The following RAB33A variants were observed in gnomAD, a reference collection of about 807,000 sequenced individuals.
The protein encoded by RAB33A is RAB33A, member RAS oncogene family, also known as ras-related protein Rab-33A.
In RAB33A, 6 loss-of-function variants were observed where a neutral mutation model predicts 12.0. The observed-to-expected ratio is 0.50, with a 90% CI of 0.27 to 0.99. RAB33A has a LOEUF of 0.99. Ranked by LOEUF, RAB33A falls within the 50% of genes least tolerant of loss-of-function variation. RAB33A has a pLI of 0.11. For missense variants in RAB33A, 109 were observed against 192.0 expected (o/e 0.57, Z 2.55); for synonymous variants, 70 against 82.4 (o/e 0.85, Z 0.81).
chrX:130,125,725 C>T, the RAB33A span, among the ~76,000 whole-genome samples: 3 of 111,639 alleles, frequency 2.7e-5, no homozygotes, highest in Admixed American at 1.9e-4. Flanking sequence ...AAGCAGCCTG[C>T]AGTAGGTCAC....
At chrX:130,141,064 C>T in the RAB33A span, among the ~76,000 whole-genome samples, 4 of 111,943 alleles carry the variant, frequency 3.6e-5, no homozygotes, top group Admixed American at 1.9e-4. Flanking sequence ...TGCAGTGAGC[C>T]GAGATCATGC....
chrX:130,121,957 T>C, the RAB33A span, among the ~76,000 whole-genome samples: 4 of 112,017 alleles, frequency 3.6e-5, no homozygotes, highest in African/African-American at 1.3e-4. Flanking sequence ...TGGAACAGCT[T>C]CTGCCACTGA....
At chrX:130,165,953 T>A in the RAB33A span, 1 of 364,581 alleles carries the variant, frequency 2.7e-6, no homozygotes. Flanking sequence ...GCAAAGACGC[T>A]GGCTCTAGGT....
At chrX:130,140,982 G>A in the RAB33A span, among the ~76,000 whole-genome samples, 13 of 112,187 alleles carry the variant, frequency 1.2e-4, no homozygotes, top group African/African-American at 2.9e-4. Flanking sequence ...CAGGTGTGGC[G>A]GCATATGCCT....
At chrX:130,129,616 C>T in the RAB33A span, 1 of 1,208,850 alleles carries the variant, frequency 8.3e-7, no homozygotes, top group Middle Eastern at 2.3e-4. Flanking sequence ...TGCTGCTCAC[C>T]GTCCTTAATG....
the RAB33A span, chrX:130,133,546 C>T: frequency 4.1e-5 from 43 of 1,046,890 alleles, no homozygotes; most frequent in Non-Finnish European, 5.5e-5. Flanking sequence ...TCAAAGAACA[C>T]TTGTAATGGT....
chrX:130,165,432 A>C, the RAB33A span: 4 of 614,274 alleles, frequency 6.5e-6, no homozygotes, highest in Non-Finnish European at 1.1e-5. Context: ...CCAATTTGGA[A>C]TTCACGTGAC....
intron 1 of RAB33A, among the ~76,000 whole-genome samples, chrX:130,183,660 A>G (rs1289769218): frequency 1.8e-5 from 2 of 112,020 alleles, no homozygotes; most frequent in African/African-American, 6.5e-5. Flanking sequence ...AGGTCCTAAG[A>G]GTTATGAACA....
the RAB33A span, among the ~76,000 whole-genome samples, chrX:130,157,746 C>A: frequency 9.2e-6 from 1 of 109,181 alleles, no homozygotes; most frequent in Non-Finnish European, 1.9e-5. Context: ...GTGGGCAGAT[C>A]ACGAGGTCAA....
the RAB33A span, among the ~76,000 whole-genome samples, chrX:130,121,943 G>T: frequency 2.7e-5 from 3 of 112,115 alleles, no homozygotes; most frequent in Admixed American, 1.9e-4. Flanking sequence ...CTTCAGGCGG[G>T]ATTTGGAACA....
chrX:130,142,361 C>A, the RAB33A span, among the ~76,000 whole-genome samples: 1 of 111,218 alleles, frequency 9.0e-6, no homozygotes, highest in Non-Finnish European at 1.9e-5. Flanking sequence ...TCCAATCCCG[C>A]TACTCAACCC....
the RAB33A span, among the ~76,000 whole-genome samples, chrX:130,142,635 T>C: frequency 1.8e-5 from 2 of 111,357 alleles, no homozygotes; most frequent in African/African-American, 6.5e-5. Context: ...AACTTCCCAA[T>C]GGTATCTGTT....
chrX:130,133,537 C>A, the RAB33A span: 4 of 1,100,754 alleles, frequency 3.6e-6, no homozygotes, highest in South Asian at 7.5e-5. Flanking sequence ...TTTGGGGGCT[C>A]AAAGAACACT....
chrX:130,181,007 C>CA (rs60085312), intron 1 of RAB33A, among the ~76,000 whole-genome samples: 1,411 of 8,126 alleles, frequency 0.17, 464 homozygotes, highest in East Asian at 0.4. Flanking sequence ...CAGTCCATCT[C>CA]AAAAAAAAAA....
chrX:130,138,284 T>C, the RAB33A span, among the ~76,000 whole-genome samples: 1 of 109,748 alleles, frequency 9.1e-6, no homozygotes, highest in Non-Finnish European at 1.9e-5. Flanking sequence ...GCTAACACGG[T>C]GAAACCCCAT....
chrX:130,161,102 C>T, the RAB33A span, among the ~76,000 whole-genome samples: 1 of 111,021 alleles, frequency 9.0e-6, no homozygotes. Flanking sequence ...TCCCAAAAGG[C>T]GTTTTCCAAA....
At chrX:130,122,791 G>A in the RAB33A span, among the ~76,000 whole-genome samples, 1 of 111,576 alleles carries the variant, frequency 9.0e-6, no homozygotes, top group Non-Finnish European at 1.9e-5. Flanking sequence ...TTCCTTGGGG[G>A]AAATTCTGGA....
At chrX:130,140,623 A>G in the RAB33A span, 28 of 1,166,610 alleles carry the variant, frequency 2.4e-5, no homozygotes, top group African/African-American at 1.8e-5. Context: ...ACTACCTGGT[A>G]CAGTCACACA....
At chrX:130,150,991 A>AAAAAAAAAAAAAG in the RAB33A span, among the ~76,000 whole-genome samples, 1 of 104,441 alleles carries the variant, frequency 9.6e-6, no homozygotes, top group Non-Finnish European at 2.0e-5. Flanking sequence ...AAAAAAAAAA[A>AAAAAAAAAAAAAG]AAAAGAAAAG....
Sources: gnomAD v4.1 joint callset for allele counts (sites outside exome capture counted in the v4.1 genomes callset) on GRCh38, gnomAD v4.1.1 for gene constraint, MANE v1.5 for transcripts, NCBI Gene and HGNC (gene_info 2026-07-23, HGNC 2026-07-21) for gene names.